ROPN1B: variants seen among roughly 807,000 people sequenced by gnomAD.
ROPN1B encodes ropporin-1B.
ROPN1B carries 13 observed loss-of-function variants against 23.7 expected under a neutral mutation model. The observed-to-expected ratio is 0.55, with a 90% CI of 0.36 to 0.87. The LOEUF (loss-of-function observed/expected upper bound fraction) is 0.87. Among genes scored for constraint, ROPN1B ranks in the 40% least tolerant of loss-of-function variants. The probability of loss-of-function intolerance (pLI) is 0.01; values close to 1 mark genes in which losing one functional copy is unlikely to be tolerated. For missense variants in ROPN1B, 183 were observed against 249.2 expected (o/e 0.73, Z 1.79); for synonymous variants, 67 against 100.4 (o/e 0.67, Z 1.99).
intron 6 of ROPN1B, among the ~76,000 whole-genome samples, chr3:125,982,980 C>T (rs1037856946): frequency 6.6e-6 from 1 of 152,060 alleles, no homozygotes; most frequent in African/African-American, 2.4e-5. Flanking sequence ...CCCATCTTTA[C>T]TAAAAATACA....
intron 1 of ROPN1B, chr3:125,970,250 G>A (rs1316643801): frequency 2.0e-5 from 3 of 152,210 alleles, no homozygotes; most frequent in Non-Finnish European, 4.4e-5. Flanking sequence ...GTTAAGAGGA[G>A]GAGAATGCAT....
At chr3:125,976,252 C>A (rs141434114) in intron 4 of ROPN1B, among the ~76,000 whole-genome samples, 1 of 152,128 alleles carries the variant, frequency 6.6e-6, no homozygotes, top group Non-Finnish European at 1.5e-5. Context: ...CAGGACAGAG[C>A]GGTTTGGGGT....
intron 3 of ROPN1B, chr3:125,973,405 T>A (rs1446845891): frequency 5.0e-6 from 1 of 199,486 alleles, no homozygotes; most frequent in Non-Finnish European, 1.0e-5. Context: ...TTGCTTTGCC[T>A]AGTAATAAGC....
chr3:125,975,487 G>A (rs1938371584), intron 3 of ROPN1B, 76 bp from the exon 4 acceptor site: 1 of 1,429,654 alleles, frequency 7.0e-7, no homozygotes, highest in Admixed American at 2.1e-5. Flanking sequence ...CTCAGAAGAA[G>A]GGGGAAGGAT....
At chr3:125,982,505 C>A in intron 6 of ROPN1B, 60 bp downstream of exon 6, 1 of 1,407,756 alleles carries the variant, frequency 7.1e-7, no homozygotes. Context: ...TCTATGGGGC[C>A]AAGACAGAGT....
At chr3:125,982,708 TAC>T (rs1938650531) in intron 6 of ROPN1B, among the ~76,000 whole-genome samples, 1 of 152,190 alleles carries the variant, frequency 6.6e-6, no homozygotes, top group Non-Finnish European at 1.5e-5. Context: ...AATCTCAGGC[TAC>T]ACCCTAGACC....
intron 5 of ROPN1B, among the ~76,000 whole-genome samples, chr3:125,981,585 C>T (rs1559787133): frequency 1.3e-5 from 2 of 152,210 alleles, no homozygotes; most frequent in South Asian, 4.2e-4. Context: ...TGAGCATGCT[C>T]CTTTAATGTT....
At chr3:125,981,307 AGAG>A (rs1278783235) in intron 5 of ROPN1B, among the ~76,000 whole-genome samples, 1 of 152,176 alleles carries the variant, frequency 6.6e-6, no homozygotes, top group African/African-American at 2.4e-5. Flanking sequence ...GGAGAGGATG[AGAG>A]GAGAACAGCA....
intron 5 of ROPN1B, among the ~76,000 whole-genome samples, chr3:125,979,145 C>T (rs756293944): frequency 3.3e-5 from 5 of 152,184 alleles, no homozygotes; most frequent in African/African-American, 7.2e-5. Context: ...TTCTAAGAGG[C>T]CTTGACATAT....
chr3:125,975,533 C>G (rs759354159), intron 3 of ROPN1B, 30 bp from the exon 4 acceptor site: 2 of 1,581,940 alleles, frequency 1.3e-6, no homozygotes, highest in Admixed American at 1.7e-5. Context: ...TGTATAGGAT[C>G]CTCCTACTCT....
intron 5 of ROPN1B, among the ~76,000 whole-genome samples, chr3:125,978,951 C>A (rs1251198708): frequency 6.6e-6 from 1 of 152,200 alleles, no homozygotes; most frequent in African/African-American, 2.4e-5. Flanking sequence ...ACCTGCCTCC[C>A]AAACTAGAGA....
At chr3:125,980,842 TC>T (rs752756248) in intron 5 of ROPN1B, among the ~76,000 whole-genome samples, 1 of 152,090 alleles carries the variant, frequency 6.6e-6, no homozygotes, top group Non-Finnish European at 1.5e-5. Context: ...CAAAGCATTC[TC>T]CCACTCACAA....
Position 125,982,468 on chromosome 3 carries a change from G to A in ROPN1B, c.572+23G>A, listed in dbSNP as rs776791199. On this transcript the variant is annotated intron_variant, in intron 6 of 6. Coordinates refer to ENST00000514116, the MANE Select transcript of ROPN1B (RefSeq NM_001308313.2). Reference sequence around the variant, plus strand: ...AGTGTAAGTTAACTTTTACCAATTGGAGGTGAAAGAATACCAGGAAAACAA... The same window carrying A: ...AGTGTAAGTTAACTTTTACCAATTGAAGGTGAAAGAATACCAGGAAAACAA... 7 of 1,572,506 alleles carry A rather than the reference G, an allele frequency of 4.5e-6. No individual in the cohort carries two copies. In the South Asian group the frequency reaches 7.2e-5, roughly 16 times the overall value.
Position 125,972,114 on chromosome 3 carries a change from G to C in ROPN1B, c.60G>C (p.Glu20Asp), listed in dbSNP as rs1181751469. ...IPPELPKMLK[E>D]FAKAAIRAQP... is the part of the protein sequence containing the mutation. ...CGGAGCTGCCGAAAATGCTGAAGGA[G>C]TTTGCCAAAGCCGCCATTCGGGCGC... is the stretch of plus-strand genomic sequence containing the variant. The change falls in exon 3 of 7, where the codon GAG becomes GAC. Residue 20 changes from glutamate (E) to aspartate (D), a missense_variant. Physicochemically the swap from Glu to Asp is conservative, Grantham distance 45 (BLOSUM62 2). This residue lies in a region of ROPN1B where 97 missense variants were observed against 99.6 expected (regional missense o/e 0.97). Transcript: ENST00000514116. 6.2e-6 allele frequency: 10 copies of C among 1,614,216 alleles called. No homozygotes were observed. The highest frequency in any genetic ancestry group is 7.6e-6 in the Non-Finnish European group (9 of 1,180,030).
chr3:125,982,010 A>G (rs1208403186), intron 5 of ROPN1B, among the ~76,000 whole-genome samples: 1 of 152,202 alleles, frequency 6.6e-6, no homozygotes, highest in African/African-American at 2.4e-5. Context: ...AAATATCTTA[A>G]AGTATTTAGG....
chr3:125,983,175 A>C, intron 6 of ROPN1B, 79 bp from the exon 7 acceptor site: 1 of 991,596 alleles, frequency 1.0e-6, no homozygotes, highest in South Asian at 1.4e-5. Flanking sequence ...ATTAATGTGA[A>C]ATGAGAGTTG....
intron 1 of ROPN1B, among the ~76,000 whole-genome samples, chr3:125,969,784 T>C (rs1218494323): frequency 1.3e-5 from 2 of 152,312 alleles, no homozygotes; most frequent in Non-Finnish European, 2.9e-5. Flanking sequence ...TGGGCATACC[T>C]AGCACTTCAT....
chr3:125,982,170 T>G, intron 5 of ROPN1B, 100 bp from the exon 6 acceptor site: 3 of 993,514 alleles, frequency 3.0e-6, no homozygotes, highest in Non-Finnish European at 4.4e-6. Flanking sequence ...CACTTCATTT[T>G]ATAAGAGCAA....
chr3:125,982,959 T>C (rs1938659614), intron 6 of ROPN1B, among the ~76,000 whole-genome samples: 1 of 151,934 alleles, frequency 6.6e-6, no homozygotes, highest in East Asian at 1.9e-4. Flanking sequence ...GCCTGGGCAA[T>C]ATGGTGAAAC....
Sources: gnomAD v4.1 joint callset for allele counts (sites outside exome capture counted in the v4.1 genomes callset) on GRCh38, gnomAD v4.1.1 for gene constraint, gnomAD v4.1.1 regional missense constraint, MANE v1.5 for transcripts, NCBI Gene and HGNC (gene_info 2026-07-23, HGNC 2026-07-21) for gene names.